The following ZNF519 variants were observed in gnomAD, a reference collection of about 807,000 sequenced individuals.
ZNF519 encodes the protein similar to Zinc finger protein 85 (Zinc finger protein HPF4) (HTF1).
Under a neutral mutation model 7.4 loss-of-function variants are expected in ZNF519, and 7 were observed. The observed-to-expected ratio is 0.94, with a 90% confidence interval of 0.54 to 1.77. The LOEUF is 1.77. Among genes scored for constraint, ZNF519 ranks in the 40% most tolerant of loss-of-function variants. The probability of loss-of-function intolerance (pLI) is 0.00; values close to 1 mark genes in which losing one functional copy is unlikely to be tolerated. For synonymous variants in ZNF519, 179 were observed against 203.3 expected (o/e 0.88, Z 1.02); for missense variants, 586 against 623.1 (o/e 0.94, Z 0.63).
chr18:14,076,682 G>A (rs2046049213), exon 5 of ZNF519: 1 of 152,168 alleles, frequency 6.6e-6, no homozygotes, highest in South Asian at 2.1e-4. Context: ...ATTGTACTAA[G>A]ATAAGCACTG....
intron 2 of ZNF519, among the ~76,000 whole-genome samples, chr18:14,119,201 G>A (rs766747017): frequency 2.0e-5 from 3 of 152,126 alleles, no homozygotes; most frequent in Non-Finnish European, 4.4e-5. Context: ...GCTTTACAAC[G>A]CTTCTTCTCT....
downstream of ZNF519, among the ~76,000 whole-genome samples, chr18:14,095,986 G>A (rs145493949): frequency 3.3e-5 from 5 of 152,350 alleles, no homozygotes; most frequent in Non-Finnish European, 1.5e-5. Context: ...CACTGTGGAA[G>A]GCTAGCAGTG....
In ZNF519 at chr18:14,104,845, G is replaced by A; in HGVS notation, c.*72C>T. On this transcript the variant is annotated 3_prime_UTR_variant, in exon 3 of 3. Transcript: ENST00000590202. ...ACATATGGGATTTCTATCCAGTATT[G>A]ATTTTCTAATGTTGAGTAAGGTGTG... 7.1e-7 allele frequency: 1 copy of A among 1,410,538 alleles called. No individual in the cohort carries two copies. The highest frequency in any genetic ancestry group is 1.9e-4 in the Middle Eastern group (1 of 5,372). The allele number at this position is 1,410,538 out of a possible 1,614,324, so 87.4% of individuals were successfully genotyped here.
intron 2 of ZNF519, among the ~76,000 whole-genome samples, chr18:14,111,485 C>A (rs1356972420): frequency 2.7e-4 from 36 of 130,928 alleles, no homozygotes; most frequent in Non-Finnish European, 4.9e-4. Flanking sequence ...CCAGCCTGGG[C>A]GACAGAGTGA....
Position 14,106,133 on chromosome 18 carries a change from G to A in ZNF519, c.407C>T (p.Thr136Ile). ...KKPQFLSAAP[T>I]EPCIPMNKYQ... ...TTTATTCATAGGAATACATGGTTCT[G>A]TAGGAGCAGCTGACAGAAACTGAGG... is the stretch of plus-strand genomic sequence containing the variant. Residue 136 changes from threonine (T) to isoleucine (I), a missense_variant, in exon 3 of 3, where the codon ACA (threonine) becomes ATA (isoleucine). Physicochemically the swap from Thr to Ile is moderately conservative, Grantham distance 89. Transcript: ENST00000590202. 1 of 1,611,830 alleles carries A rather than the reference G, an allele frequency of 6.2e-7. No individual in the cohort carries two copies. Among genetic ancestry groups the A allele is most frequent in the Non-Finnish European group, 8.5e-7 (1 of 1,179,482 alleles).
At chr18:14,112,449 TA>T (rs2046226135) in intron 2 of ZNF519, among the ~76,000 whole-genome samples, 1 of 152,228 alleles carries the variant, frequency 6.6e-6, no homozygotes, top group Admixed American at 6.5e-5. Flanking sequence ...ATATGGCAGC[TA>T]GAGCAATTAG....
At chr18:14,127,103 C>T (rs1356239706) in intron 1 of ZNF519, among the ~76,000 whole-genome samples, 1 of 152,210 alleles carries the variant, frequency 6.6e-6, no homozygotes, top group Non-Finnish European at 1.5e-5. Context: ...TAACAGTTTA[C>T]AGGGAGGCAC....
chr18:14,085,704 G>A (rs907805196), intron 2 of ZNF519, among the ~76,000 whole-genome samples: 10 of 152,074 alleles, frequency 6.6e-5, no homozygotes, highest in African/African-American at 2.2e-4. Context: ...GAAGGTGAGT[G>A]ATGTGACTGA....
Position 14,124,452 on chromosome 18 carries a change from C to T in ZNF519, c.28G>A (p.Ala10Thr). 1.2e-6 allele frequency: 2 copies of T among 1,611,568 alleles called. No homozygotes were observed. Among genetic ancestry groups the T allele is most frequent in the Admixed American group, 1.7e-5 (1 of 59,188 alleles). ...CACTCTTCTGGAGAGAATTCTATGG[C>T]CACATCCCTGAATGTTAAGAGTTCC... MELLTFRDV[A>T]IEFSPEEWKC... is the part of the protein sequence containing the mutation. Residue 10 changes from alanine (A) to threonine (T), a missense_variant, in exon 2 of 3, where the codon GCC (alanine) becomes ACC (threonine). By Grantham distance (58) the Ala-to-Thr change is moderately conservative (BLOSUM62 0). Transcript: ENST00000590202.
At chr18:14,096,130 G>A (rs28439424), downstream of ZNF519, among the ~76,000 whole-genome samples, 3,361 of 152,278 alleles carry the variant, frequency 0.022, 128 homozygotes, top group African/African-American at 0.074. Context: ...ACTGGGTTTT[G>A]CCATGATGGG....
At chr18:14,071,720 T>A (rs1016713593), downstream of ZNF519, 3 of 152,096 alleles carry the variant, frequency 2.0e-5, no homozygotes, top group African/African-American at 7.3e-5. Context: ...AATACTTCTA[T>A]GATATGACCT....
chr18:14,111,914 G>T (rs116140303), intron 2 of ZNF519, among the ~76,000 whole-genome samples: 2,369 of 152,148 alleles, frequency 0.016, 64 homozygotes, highest in African/African-American at 0.055. Context: ...TTCCAACCTT[G>T]TTCTGTAAGG....
intron 1 of ZNF519, among the ~76,000 whole-genome samples, chr18:14,125,826 G>A (rs1207596367): frequency 6.6e-6 from 1 of 151,850 alleles, no homozygotes; most frequent in South Asian, 2.1e-4. Flanking sequence ...CTGGGATTAC[G>A]GGTGCCCACC....
downstream of ZNF519, among the ~76,000 whole-genome samples, chr18:14,097,196 A>T (rs1321658025): frequency 1.3e-5 from 2 of 152,214 alleles, no homozygotes; most frequent in Non-Finnish European, 2.9e-5. Flanking sequence ...TGAAATTAAC[A>T]ATTTCCTCAA....
intron 2 of ZNF519, among the ~76,000 whole-genome samples, chr18:14,109,430 A>G (rs1424950538): frequency 2.0e-5 from 3 of 152,210 alleles, no homozygotes; most frequent in African/African-American, 7.2e-5. Flanking sequence ...TCTGCAGTGC[A>G]TGAATCATTC....
rs1256857489 is a variant in ZNF519 at position 14,101,111 on chromosome 18, C to T, written c.*3806G>A. The T allele has an allele frequency of 6.5e-6, 1 of 152,840 alleles. No individual in the cohort carries two copies. Among genetic ancestry groups the T allele is most frequent in the Non-Finnish European group, 1.5e-5 (1 of 68,246 alleles). The allele number at this position is 152,840 out of a possible 1,614,324, so 9.5% of individuals were successfully genotyped here. A position where few individuals can be genotyped will look rare whatever the true frequency, so the allele number is the denominator to read the frequency against. On this transcript the variant is annotated 3_prime_UTR_variant, in exon 3 of 3. Coordinates refer to ENST00000590202, the MANE Select transcript of ZNF519 (RefSeq NM_145287.4). ...ACAGATAATAGGTGGCTGAGTCCCC[C>T]TTGTGCTGTGGAGGGATGGAGCACT...
intron 1 of ZNF519, among the ~76,000 whole-genome samples, chr18:14,129,551 C>A (rs1487280990): frequency 6.6e-6 from 1 of 152,150 alleles, no homozygotes; most frequent in Non-Finnish European, 1.5e-5. Flanking sequence ...CAAAGCCTCA[C>A]TTCCCTCAGA....
At chr18:14,072,872 G>A (rs964486075), downstream of ZNF519, 2 of 152,114 alleles carry the variant, frequency 1.3e-5, no homozygotes, top group African/African-American at 4.8e-5. Flanking sequence ...TGAGTGGGTG[G>A]AAACGACATT....
At chr18:14,107,138 T>A (rs1598516629) in intron 2 of ZNF519, among the ~76,000 whole-genome samples, 1 of 152,058 alleles carries the variant, frequency 6.6e-6, no homozygotes, top group African/African-American at 2.4e-5. Flanking sequence ...AAGAGAGTGC[T>A]TACACCACCC....
Sources: gnomAD v4.1 joint callset for allele counts (sites outside exome capture counted in the v4.1 genomes callset) on GRCh38, gnomAD v4.1.1 for gene constraint, MANE v1.5 for transcripts, NCBI Gene and HGNC (gene_info 2026-07-23, HGNC 2026-07-21) for gene names.